Variants in ANAPC10 observed in about 807,000 individuals in gnomAD.
ANAPC10 encodes the protein anaphase-promoting complex subunit 10.
In ANAPC10, 12 loss-of-function variants were observed where a neutral mutation model predicts 22.0. The observed-to-expected ratio is 0.55, with a 90% confidence interval of 0.35 to 0.88. The LOEUF (loss-of-function observed/expected upper bound fraction) is 0.88. Among genes scored for constraint, ANAPC10 ranks in the 40% least tolerant of loss-of-function variants. The pLI is 0.01. For synonymous variants in ANAPC10, 65 were observed against 69.5 expected, an observed-to-expected ratio of 0.94 and a Z score of 0.32; for missense variants, 188 against 220.9, an observed-to-expected ratio of 0.85 and a Z score of 0.94.
intron 4 of ANAPC10, among the ~76,000 whole-genome samples, chr4:145,054,793 C>T (rs1049283008): frequency 2.0e-5 from 3 of 151,854 alleles, no homozygotes; most frequent in African/African-American, 7.3e-5. Flanking sequence ...CTATAAGAGA[C>T]CCCAGCCACT....
chr4:145,090,501 A>T (rs1228154155), intron 2 of ANAPC10, among the ~76,000 whole-genome samples: 4 of 152,202 alleles, frequency 2.6e-5, no homozygotes, highest in Admixed American at 1.3e-4. Flanking sequence ...CGTTTCAAGC[A>T]AAGTAAATCA....
At chr4:144,997,156 A>G (rs780842089) in intron 4 of ANAPC10, among the ~76,000 whole-genome samples, 3 of 152,236 alleles carry the variant, frequency 2.0e-5, no homozygotes, top group Non-Finnish European at 2.9e-5. Flanking sequence ...CAAGGTGGAA[A>G]TCACTCTTCA....
intron 4 of ANAPC10, among the ~76,000 whole-genome samples, chr4:145,024,901 C>T (rs1399919705): frequency 2.6e-5 from 4 of 152,202 alleles, no homozygotes; most frequent in African/African-American, 9.6e-5. Flanking sequence ...GCTGTTTTGT[C>T]TACACTGAAA....
intron 3 of ANAPC10, among the ~76,000 whole-genome samples, chr4:145,076,968 C>T (rs193204769): frequency 3.6e-4 from 55 of 152,160 alleles, no homozygotes; most frequent in Non-Finnish European, 6.9e-4. Flanking sequence ...GGGAGGCCAA[C>T]GCGGGTGGAT....
At chr4:145,020,173 C>T (rs956386428) in intron 4 of ANAPC10, among the ~76,000 whole-genome samples, 1 of 152,076 alleles carries the variant, frequency 6.6e-6, no homozygotes, top group Non-Finnish European at 1.5e-5. Context: ...AACATAAATG[C>T]TAAAATCCTT....
At chr4:145,089,075 C>G (rs900945816) in intron 2 of ANAPC10, among the ~76,000 whole-genome samples, 5 of 152,132 alleles carry the variant, frequency 3.3e-5, no homozygotes, top group Non-Finnish European at 5.9e-5. Flanking sequence ...ATAAAAGAGG[C>G]CTTCCATAAT....
intron 4 of ANAPC10, among the ~76,000 whole-genome samples, chr4:145,003,825 T>C (rs1732945599): frequency 6.6e-6 from 1 of 152,202 alleles, no homozygotes; most frequent in Non-Finnish European, 1.5e-5. Context: ...CTATTTAAGC[T>C]CTTTTTTGGT....
intron 3 of ANAPC10, among the ~76,000 whole-genome samples, chr4:145,075,565 A>C (rs557701204): frequency 6.6e-5 from 10 of 152,012 alleles, no homozygotes; most frequent in African/African-American, 9.7e-5. Context: ...GGGAGGACCA[A>C]GCAGACCCTG....
chr4:145,026,969 A>ATATATATATATG (rs1736805960), intron 4 of ANAPC10, among the ~76,000 whole-genome samples: 1 of 27,582 alleles, frequency 3.6e-5, no homozygotes, highest in Non-Finnish European at 6.0e-5. Context: ...ATATATATAT[A>ATATATATATATG]TATATATATA....
At chr4:144,996,382 T>C (rs1705037462) in intron 4 of ANAPC10, among the ~76,000 whole-genome samples, 1 of 152,150 alleles carries the variant, frequency 6.6e-6, no homozygotes, top group African/African-American at 2.4e-5. Flanking sequence ...TTGGAGAATC[T>C]AGATACTGGA....
At chr4:145,043,970 G>C (rs1224818842) in intron 4 of ANAPC10, among the ~76,000 whole-genome samples, 1 of 151,694 alleles carries the variant, frequency 6.6e-6, no homozygotes, top group East Asian at 1.9e-4. Context: ...ATATAATTTT[G>C]ATCATTACCA....
intron 4 of ANAPC10, chr4:145,035,169 C>T (rs34068961): frequency 6.6e-6 from 1 of 152,328 alleles, no homozygotes; most frequent in Non-Finnish European, 1.5e-5. Flanking sequence ...TCTGTCACCC[C>T]ACTAATCACC....
At chr4:145,019,712 G>C (rs895013829) in intron 4 of ANAPC10, among the ~76,000 whole-genome samples, 7 of 152,128 alleles carry the variant, frequency 4.6e-5, no homozygotes, top group African/African-American at 1.4e-4. Context: ...GAAAAGAAGA[G>C]AGAAAATCCA....
intron 3 of ANAPC10, among the ~76,000 whole-genome samples, chr4:145,072,892 G>A (rs1041942725): frequency 7.3e-5 from 11 of 150,518 alleles, no homozygotes; most frequent in South Asian, 2.1e-4. Context: ...TATCTATTAC[G>A]TATCTGTTTT....
At chr4:145,084,502 C>A (rs148260763) in intron 2 of ANAPC10, among the ~76,000 whole-genome samples, 1 of 152,148 alleles carries the variant, frequency 6.6e-6, no homozygotes, top group African/African-American at 2.4e-5. Flanking sequence ...AATCTTTTGG[C>A]TTCCCTGGGC....
intron 2 of ANAPC10, among the ~76,000 whole-genome samples, chr4:145,092,963 G>T (rs998856099): frequency 6.6e-6 from 1 of 152,170 alleles, no homozygotes; most frequent in African/African-American, 2.4e-5. Flanking sequence ...ACCAGCCACA[G>T]ATACAAGGCT....
chr4:145,060,634 G>C (rs1030511908), intron 4 of ANAPC10, among the ~76,000 whole-genome samples: 7 of 151,818 alleles, frequency 4.6e-5, no homozygotes, highest in African/African-American at 1.5e-4. Context: ...ACACCCTCCA[G>C]TGGGCAAACA....
At chr4:145,077,345 A>G (rs192366064) in intron 3 of ANAPC10, among the ~76,000 whole-genome samples, 14 of 152,314 alleles carry the variant, frequency 9.2e-5, no homozygotes, top group Admixed American at 2.0e-4. Flanking sequence ...CAACAAGCAA[A>G]CTGGAAAATA....
chr4:145,030,723 A>G (rs1737443091), intron 4 of ANAPC10, among the ~76,000 whole-genome samples: 1 of 152,178 alleles, frequency 6.6e-6, no homozygotes, highest in African/African-American at 2.4e-5. Context: ...GGTGAGAACT[A>G]TCATGGTGGG....
Sources: gnomAD v4.1 joint callset for allele counts (sites outside exome capture counted in the v4.1 genomes callset) on GRCh38, gnomAD v4.1.1 for gene constraint, MANE v1.5 for transcripts, NCBI Gene and HGNC (gene_info 2026-07-23, HGNC 2026-07-21) for gene names.